The following LRP2 variants were observed in gnomAD, a reference collection of about 807,000 sequenced individuals.
The protein encoded by LRP2 is LDL receptor related protein 2.
A neutral mutation model predicts 531.0 loss-of-function variants in LRP2; 172 were observed. That is an observed-to-expected ratio of 0.32 (90% CI 0.29 to 0.37). The LOEUF (loss-of-function observed/expected upper bound fraction) is 0.37. Ranked by LOEUF, LRP2 falls within the 10% of genes least tolerant of loss-of-function variation. LRP2 has a pLI of 1.00. For missense variants in LRP2, 5,167 were observed against 5,868.3 expected (o/e 0.88, Z 3.90); for synonymous variants, 1,992 against 2,027.6 (o/e 0.98, Z 0.47).
intron 29 of LRP2, among the ~76,000 whole-genome samples, chr2:169,234,992 C>T (rs1689551773): frequency 6.6e-6 from 1 of 151,408 alleles, no homozygotes; most frequent in South Asian, 2.1e-4. Flanking sequence ...TCACTACAGC[C>T]TTGACCTCCC....
chr2:169,134,382 G>A (rs892029300), intron 76 of LRP2, among the ~76,000 whole-genome samples: 1 of 151,986 alleles, frequency 6.6e-6, no homozygotes, highest in African/African-American at 2.4e-5. Context: ...CATTGTTTCT[G>A]GCCCAGACTT....
chr2:169,164,504 G>A (rs145352270), intron 62 of LRP2, among the ~76,000 whole-genome samples: 7 of 152,208 alleles, frequency 4.6e-5, no homozygotes, highest in South Asian at 2.1e-4. Flanking sequence ...GCAGGGCCAC[G>A]TGACTGGTTC....
chr2:169,328,393 A>G (rs975355082), intron 1 of LRP2, among the ~76,000 whole-genome samples: 1 of 133,904 alleles, frequency 7.5e-6, no homozygotes, highest in East Asian at 2.2e-4. Context: ...CCCAGCCACC[A>G]CCTCGTCTGG....
chr2:169,350,968 G>A (rs1414199113), intron 1 of LRP2, among the ~76,000 whole-genome samples: 1 of 152,122 alleles, frequency 6.6e-6, no homozygotes, highest in Non-Finnish European at 1.5e-5. Context: ...CATGAGACAG[G>A]ATGAGGCCAC....
At chr2:169,133,111 T>C (rs6754932) in intron 76 of LRP2, among the ~76,000 whole-genome samples, 11,965 of 152,296 alleles carry the variant, frequency 0.079, 975 homozygotes, top group African/African-American at 0.21. Context: ...CTTTGGATCT[T>C]AATAATTTCT....
At chr2:169,153,788 T>C (rs187351045) in intron 66 of LRP2, among the ~76,000 whole-genome samples, 1 of 152,292 alleles carries the variant, frequency 6.6e-6, no homozygotes, top group East Asian at 1.9e-4. Flanking sequence ...CCTACCCTAC[T>C]GTCATCTCCC....
chr2:169,216,752 A>G (rs185214815), intron 34 of LRP2, among the ~76,000 whole-genome samples: 1 of 152,244 alleles, frequency 6.6e-6, no homozygotes, highest in East Asian at 1.9e-4. Context: ...ACCTACATCA[A>G]TAATCCCTCC....
At position 169,132,749 on chromosome 2, in the gene LRP2, G is replaced by C. The variant is rs182583675; in HGVS notation, c.13621-68C>G. 504 of 835,090 alleles carry C rather than the reference G, an allele frequency of 6.0e-4. 1 individual carries two copies. The highest frequency in any genetic ancestry group is 4.8e-3 in the East Asian group (197 of 40,800). The allele number at this position is 835,090 out of a possible 1,614,324, so 51.7% of individuals were successfully genotyped here. On this transcript the variant is annotated intron_variant, in intron 76 of 78. Transcript: ENST00000649046. ...TAGTAGTAAATAAATTTGCTGTAAA[G>C]TTTGTACCAACTCTGGCTCTTTTTG...
intron 16 of LRP2, among the ~76,000 whole-genome samples, chr2:169,270,069 C>T (rs1401935585): frequency 2.0e-5 from 3 of 152,140 alleles, no homozygotes; most frequent in African/African-American, 7.2e-5. Flanking sequence ...CCATCTCACA[C>T]CAGTTAGAAT....
chr2:169,207,107 A>G lies in LRP2; in HGVS notation c.6613T>C (p.Phe2205Leu), dbSNP rs745497711. 1.2e-6 allele frequency: 2 copies of G among 1,612,620 alleles called. No homozygotes were observed. The highest frequency in any genetic ancestry group is 8.5e-7 in the Non-Finnish European group (1 of 1,179,112). The change falls in exon 39 of 79, where the codon TTC (phenylalanine) becomes CTC (leucine). Residue 2205 changes from phenylalanine (F) to leucine (L), a missense_variant. Physicochemically the swap from Phe to Leu is conservative, Grantham distance 22. Around this residue, in one of 6 missense-constraint regions of LRP2, gnomAD observed 2,811 missense variants for 3,058.0 expected, o/e 0.92. Coordinates refer to ENST00000649046, the MANE Select transcript of LRP2 (RefSeq NM_004525.3). ...GGTCTCTGCCCATAGTCAGCCCAGA[A>G]GAGGTATCTGTTCTTGGGATCTACA... ...IVVDPKNRYL[F>L]WADYGQRPKI...
At chr2:169,165,842 G>T (rs1686761439) in intron 62 of LRP2, 90 bp downstream of exon 62, 2 of 1,515,530 alleles carry the variant, frequency 1.3e-6, no homozygotes, top group Non-Finnish European at 1.8e-6. Flanking sequence ...CAACTCTATA[G>T]AACAAACTGA....
intron 1 of LRP2, among the ~76,000 whole-genome samples, chr2:169,341,583 A>T (rs975600898): frequency 1.3e-5 from 2 of 152,200 alleles, no homozygotes; most frequent in Admixed American, 1.3e-4. Flanking sequence ...CAGGAGGTAT[A>T]TTCTGATATT....
At chr2:169,326,373 G>A (rs1333467175) in intron 1 of LRP2, among the ~76,000 whole-genome samples, 10 of 151,712 alleles carry the variant, frequency 6.6e-5, no homozygotes, top group Non-Finnish European at 8.8e-5. Context: ...GCGCCACCAC[G>A]CCTGACTGGT....
At chr2:169,160,690 A>AAAAAAAAAAAAC (rs1553487434) in intron 63 of LRP2, among the ~76,000 whole-genome samples, 3,084 of 147,088 alleles carry the variant, frequency 0.021, 106 homozygotes, top group African/African-American at 0.071. Context: ...CTTAAAAAAA[A>AAAAAAAAAAAAC]AAAAACCTGC....
At position 169,297,047 on chromosome 2, in the gene LRP2, T is replaced by C. The variant is rs138232737; in HGVS notation, c.428-2337A>G. ...ATAGTTAACCTGGGATGTATACTCA[T>C]AGGAAAGATTGCACAGAGCTCCCTA... On this transcript the variant is annotated intron_variant, in intron 4 of 78. Transcript: ENST00000649046. Among the ~76,000 whole-genome samples the C allele has an allele frequency of 4.6e-5, 7 of 152,284 alleles. No homozygotes were observed. In the East Asian group the frequency reaches 1.2e-3, roughly 25 times the overall value.
At chr2:169,216,227 C>A in intron 35 of LRP2, 26 bp downstream of exon 35, 1 of 1,612,186 alleles carries the variant, frequency 6.2e-7, no homozygotes, top group Non-Finnish European at 8.5e-7. Flanking sequence ...AGCATAAAGA[C>A]CAAAAGACTG....
intron 71 of LRP2, among the ~76,000 whole-genome samples, chr2:169,142,338 G>T (rs149063152): frequency 3.5e-4 from 54 of 152,262 alleles, no homozygotes; most frequent in African/African-American, 1.3e-3. Context: ...AAGGTTGAGT[G>T]GATTCTGGGG....
chr2:169,338,877 C>A (rs1192840552), intron 1 of LRP2, among the ~76,000 whole-genome samples: 3 of 152,174 alleles, frequency 2.0e-5, no homozygotes, highest in Non-Finnish European at 4.4e-5. Flanking sequence ...ACTGCTCCAC[C>A]TCTTACTAAC....
chr2:169,193,637 C>CAA, intron 47 of LRP2, 124 bp downstream of exon 47: 1 of 1,196,360 alleles, frequency 8.4e-7, no homozygotes, highest in South Asian at 1.2e-5. Context: ...ACAAAGGTAA[C>CAA]ATTCTATCAG....
Sources: allele counts gnomAD v4.1 joint callset (sites outside exome capture counted in the v4.1 genomes callset), GRCh38; gene constraint gnomAD v4.1.1; regional missense constraint gnomAD v4.1.1; transcripts MANE v1.5; gene names NCBI Gene and HGNC (gene_info 2026-07-23, HGNC 2026-07-21).